The following ZFP90 variants were observed in gnomAD, a reference collection of about 807,000 sequenced individuals.
ZFP90 encodes zinc finger protein 90 homolog.
In ZFP90, 38 loss-of-function variants were observed where a neutral mutation model predicts 60.8. The ratio of observed to expected loss-of-function variants is 0.62; its 90% CI spans 0.48 to 0.82. ZFP90 has a LOEUF of 0.82. Ranked by LOEUF, ZFP90 falls within the 40% of genes least tolerant of loss-of-function variation. ZFP90 has a pLI of 0.00. For synonymous variants in ZFP90, 287 were observed against 264.8 expected, an observed-to-expected ratio of 1.08 and a Z score of -0.82; for missense variants, 711 against 759.1, an observed-to-expected ratio of 0.94 and a Z score of 0.74.
At chr16:68,538,732 A>G (rs2090981856), upstream of ZFP90, among the ~76,000 whole-genome samples, 1 of 151,856 alleles carries the variant, frequency 6.6e-6, no homozygotes, top group Admixed American at 6.6e-5. Context: ...AATTTCCATC[A>G]TTGTTTGCTT....
At position 68,565,773 on chromosome 16, in the gene ZFP90, T is replaced by G; in HGVS notation, c.*1075T>G. The stretch of plus-strand genomic sequence containing the variant: ...CATTGCCATAAATTTTGCCTTGTAC[T>G]CAGAGAAGCAACATGCACTGGCTCA... On this transcript the variant is annotated 3_prime_UTR_variant, in exon 5 of 5. Coordinates refer to ENST00000563169, the MANE Select transcript of ZFP90 (RefSeq NM_001305203.2). 1.0e-6 allele frequency: 1 copy of G among 985,500 alleles called. No individual in the cohort carries two copies. The highest frequency in any genetic ancestry group is 1.2e-6 in the Non-Finnish European group (1 of 829,918). 61.0% of individuals were successfully genotyped at this position (985,500 alleles called of 1,614,324 possible).
chr16:68,553,420 A>G (rs533037484), intron 2 of ZFP90, among the ~76,000 whole-genome samples: 5 of 151,972 alleles, frequency 3.3e-5, no homozygotes, highest in African/African-American at 1.2e-4. Context: ...AGTGTCTTCC[A>G]GGAATCAGAA....
chr16:68,552,545 C>T (rs911747959), intron 2 of ZFP90, among the ~76,000 whole-genome samples: 3 of 152,024 alleles, frequency 2.0e-5, no homozygotes, highest in African/African-American at 4.8e-5. Flanking sequence ...TTAGCCAAGC[C>T]GAGGAAGAAA....
At chr16:68,547,175 G>C (rs1204185303) in intron 2 of ZFP90, among the ~76,000 whole-genome samples, 1 of 152,112 alleles carries the variant, frequency 6.6e-6, no homozygotes, top group East Asian at 1.9e-4. Context: ...TTTTTTTCCG[G>C]AACCACCATA....
chr16:68,541,095 G>T (rs1447106964), intron 2 of ZFP90, among the ~76,000 whole-genome samples: 3 of 151,310 alleles, frequency 2.0e-5, no homozygotes, highest in Non-Finnish European at 2.9e-5. Context: ...AAGTGTAGTG[G>T]CATGATCTCG....
At chr16:68,539,055 C>A (rs888119925), upstream of ZFP90, among the ~76,000 whole-genome samples, 1 of 152,228 alleles carries the variant, frequency 6.6e-6, no homozygotes, top group Non-Finnish European at 1.5e-5. Context: ...TCTTTCCCGG[C>A]CGATTCCCCA....
rs1409733918 is a variant in ZFP90 at position 68,567,038 on chromosome 16, C to T, written c.*2340C>T. 2 of 985,464 alleles carry T rather than the reference C, an allele frequency of 2.0e-6. No homozygotes were observed. Among genetic ancestry groups the T allele is most frequent in the African/African-American group, 1.7e-5 (1 of 57,232 alleles). 61.0% of individuals were successfully genotyped at this position (985,464 alleles called of 1,614,324 possible). On this transcript the variant is annotated 3_prime_UTR_variant, in exon 5 of 5. Transcript: ENST00000563169. ...TTTCTTAGTCCCAACAGCCATGAACCATGCACTTATGGATACCCAGCCTTT... is the reference window on the plus strand; with the variant it reads ...TTTCTTAGTCCCAACAGCCATGAACTATGCACTTATGGATACCCAGCCTTT...
downstream of ZFP90, among the ~76,000 whole-genome samples, chr16:68,569,101 T>G (rs1027501934): frequency 4.6e-5 from 7 of 151,276 alleles, no homozygotes; most frequent in African/African-American, 9.7e-5. Flanking sequence ...CAGCTAAATG[T>G]GGCTGAAGAA....
At position 68,534,141 on chromosome 16, in the gene ZFP90, C is replaced by T. The variant is rs550592445; in HGVS notation, c.-36+286C>T. Among the ~76,000 whole-genome samples, 28 of 151,900 alleles carry T rather than the reference C, an allele frequency of 1.8e-4. No individual in the cohort carries two copies. In the South Asian group the frequency reaches 2.1e-3, roughly 11 times the overall value. ...CCATTTGTGGATAATTTCCTCAGAT[C>T]GACCTTCTATTCACTAATTTTATCT... On this transcript the variant is annotated intron_variant, in intron 2 of 3. Transcript: ENST00000569109.
rs2152075997 is a variant in ZFP90 at position 68,565,456 on chromosome 16, C to T, written c.*758C>T. On this transcript the variant is annotated 3_prime_UTR_variant, in exon 5 of 5. Coordinates refer to ENST00000563169, the MANE Select transcript of ZFP90 (RefSeq NM_001305203.2). ...GGGAGCAAAATGTATGCAAATTTAT[C>T]ACAAACTATTTAAAGCAACTTCTTG... 2.0e-6 allele frequency: 2 copies of T among 985,538 alleles called. No individual in the cohort carries two copies. Among genetic ancestry groups the T allele is most frequent in the East Asian group, 1.1e-4 (1 of 8,954 alleles). 61.0% of individuals were successfully genotyped at this position (985,538 alleles called of 1,614,324 possible). A position where few individuals can be genotyped will look rare whatever the true frequency, so the allele number is the denominator to read the frequency against.
At position 68,539,364 on chromosome 16, in the gene ZFP90, C is replaced by T. The variant is rs2090992187; in HGVS notation, c.-151C>T. 1.4e-5 allele frequency: 3 copies of T among 211,888 alleles called. No homozygotes were observed. The highest frequency in any genetic ancestry group is 2.8e-5 in the Non-Finnish European group (3 of 107,168). 13.1% of individuals were successfully genotyped at this position (211,888 alleles called of 1,614,324 possible). A position where few individuals can be genotyped will look rare whatever the true frequency, so the allele number is the denominator to read the frequency against. On this transcript the variant is annotated 5_prime_UTR_variant, in exon 1 of 5. Transcript: ENST00000563169. Reference sequence around the variant, plus strand: ...GCTGAGGCCCCTTTGGGCAGCCCCTCCGCAGATCAGAATTGGAGATAACCG... The same window carrying T: ...GCTGAGGCCCCTTTGGGCAGCCCCTTCGCAGATCAGAATTGGAGATAACCG...
downstream of ZFP90, among the ~76,000 whole-genome samples, chr16:68,570,726 CACTTTT>C (rs2091563350): frequency 6.6e-6 from 1 of 152,234 alleles, no homozygotes; most frequent in African/African-American, 2.4e-5. Flanking sequence ...TCTCTTACCT[CACTTTT>C]ACTTGTCTTT....
chr16:68,536,490 A>G (rs2152049493), upstream of ZFP90, among the ~76,000 whole-genome samples: 1 of 152,164 alleles, frequency 6.6e-6, no homozygotes, highest in East Asian at 1.9e-4. Context: ...CTATTGTAGA[A>G]ACAAGGTCTC....
chr16:68,546,720 C>A (rs2091156595), intron 2 of ZFP90, among the ~76,000 whole-genome samples: 1 of 152,146 alleles, frequency 6.6e-6, no homozygotes, highest in South Asian at 2.1e-4. Flanking sequence ...TCATGTTGGC[C>A]AGGCTGGTCT....
At chr16:68,547,914 G>C (rs915384364) in intron 2 of ZFP90, among the ~76,000 whole-genome samples, 2 of 149,696 alleles carry the variant, frequency 1.3e-5, no homozygotes, top group Admixed American at 1.3e-4. Flanking sequence ...TGCAACCTCT[G>C]CCTCCTGGGT....
At chr16:68,571,702 G>C (rs1431541793), downstream of ZFP90, among the ~76,000 whole-genome samples, 1 of 152,318 alleles carries the variant, frequency 6.6e-6, no homozygotes, top group African/African-American at 2.4e-5. Context: ...GCCAAGGTGG[G>C]AGGATCACTT....
chr16:68,564,917 CTGGTTGGGGATGATA>C lies in ZFP90; in HGVS notation c.*222_*236del. The C allele has an allele frequency of 1.5e-6, 2 of 1,312,630 alleles. No individual in the cohort carries two copies. Among genetic ancestry groups the C allele is most frequent in the South Asian group, 4.6e-5 (2 of 43,580 alleles). 81.3% of individuals were successfully genotyped at this position (1,312,630 alleles called of 1,614,324 possible). A position where few individuals can be genotyped will look rare whatever the true frequency, so the allele number is the denominator to read the frequency against. On this transcript the variant is annotated 3_prime_UTR_variant, in exon 5 of 5. Transcript: ENST00000563169. ...TGTAAAAACAGCTACATGTATGTAG[CTGGTTGGGGATGATA>C]TGCCTGTATGTTGGACTTTGCTTTT... is the stretch of plus-strand genomic sequence containing the variant.
At chr16:68,550,576 A>G (rs1412972677) in intron 2 of ZFP90, among the ~76,000 whole-genome samples, 1 of 152,218 alleles carries the variant, frequency 6.6e-6, no homozygotes, top group African/African-American at 2.4e-5. Context: ...TTAATCACAC[A>G]TGCCCATTTG....
chr16:68,560,848 G>T lies in ZFP90; in HGVS notation c.257-2196G>T, dbSNP rs2091429707. Among the ~76,000 whole-genome samples the T allele has an allele frequency of 2.7e-5, 4 of 149,144 alleles. No individual in the cohort carries two copies. The South Asian group carries it at 8.4e-4, about 31-fold the overall frequency. On this transcript the variant is annotated intron_variant, in intron 4 of 4. Transcript: ENST00000563169. ...CAAAGTGCTGGGATTACAAGCCTGA[G>T]CCACCATGCCCAGCCACTGGATTTT...
Sources: allele counts gnomAD v4.1 joint callset (sites outside exome capture counted in the v4.1 genomes callset), GRCh38; gene constraint gnomAD v4.1.1; transcripts MANE v1.5; gene names NCBI Gene and HGNC (gene_info 2026-07-23, HGNC 2026-07-21).